TSC22D2: variants seen among roughly 807,000 people sequenced by gnomAD.
TSC22D2 encodes TSC22 domain family member 2, also known as TSC22 domain family protein 2.
In TSC22D2, 5 loss-of-function variants were observed where a neutral mutation model predicts 50.1. That is an observed-to-expected ratio of 0.10 (90% CI 0.05 to 0.21). The LOEUF (loss-of-function observed/expected upper bound fraction) is 0.21, where lower values mean the gene tolerates loss of function less well. TSC22D2 is among the 10% of genes least tolerant of loss of function. The pLI is 1.00. For synonymous variants in TSC22D2, 501 were observed against 450.1 expected (o/e 1.11, Z -1.43); for missense variants, 1,003 against 1,015.5 (o/e 0.99, Z 0.17).
At chr3:150,441,965 C>T (rs1319158776) in intron 1 of TSC22D2, among the ~76,000 whole-genome samples, 9 of 152,142 alleles carry the variant, frequency 5.9e-5, no homozygotes, top group Non-Finnish European at 1.2e-4. Flanking sequence ...GCTGGTTAAT[C>T]ACAAAGTACT....
rs1721278177 is a variant in TSC22D2 at position 150,458,789 on chromosome 3, CCT to C, written c.*160_*161del. The stretch of plus-strand genomic sequence containing the variant: ...AGACAATCATTCTACAAGAGCTTTT[CCT>C]CTCTCTGAGATGTCATGCAGCGCTG... On this transcript the variant is annotated 3_prime_UTR_variant, in exon 3 of 3. Coordinates refer to ENST00000688009, the MANE Select transcript of TSC22D2 (RefSeq NM_001303264.2). 2 of 954,804 alleles carry C rather than the reference CCT, an allele frequency of 2.1e-6. No homozygotes were observed. Among genetic ancestry groups the C allele is most frequent in the Admixed American group, 2.9e-5 (1 of 34,864 alleles). 59.1% of individuals were successfully genotyped at this position (954,804 alleles called of 1,614,324 possible). A position where few individuals can be genotyped will look rare whatever the true frequency, so the allele number is the denominator to read the frequency against.
chr3:150,428,223 C>G (rs932056170), intron 1 of TSC22D2, among the ~76,000 whole-genome samples: 3 of 152,068 alleles, frequency 2.0e-5, no homozygotes, highest in Non-Finnish European at 4.4e-5. Context: ...TCCACCTTTT[C>G]TGCAGTGCTT....
chr3:150,409,341 C>T lies in TSC22D2; in HGVS notation c.-10C>T, dbSNP rs1576536882. On this transcript the variant is annotated 5_prime_UTR_variant, in exon 1 of 3. Transcript: ENST00000688009. The surrounding 1 kb of genome is among the most constrained non-coding windows in gnomAD (Gnocchi z 7.4). ...CCGGCGTGCCTCTCTGCCCTCCAGCCTTCTTCACCATGTCCAAGATGCCGG... is the reference window on the plus strand; with the variant it reads ...CCGGCGTGCCTCTCTGCCCTCCAGCTTTCTTCACCATGTCCAAGATGCCGG... 4 of 1,589,570 alleles carry T rather than the reference C, an allele frequency of 2.5e-6. No individual in the cohort carries two copies. The East Asian group carries it at 9.0e-5, about 36-fold the overall frequency.
chr3:150,424,904 C>T (rs543266594), intron 1 of TSC22D2, among the ~76,000 whole-genome samples: 1 of 152,286 alleles, frequency 6.6e-6, no homozygotes, highest in South Asian at 2.1e-4. Context: ...TTTAACTTTT[C>T]AACTAGCTTA....
chr3:150,414,076 C>G (rs898410722), intron 1 of TSC22D2, among the ~76,000 whole-genome samples: 1 of 151,952 alleles, frequency 6.6e-6, no homozygotes, highest in African/African-American at 2.4e-5. Flanking sequence ...ATTAAAGAAC[C>G]GGGCCTTATA....
At chr3:150,442,486 T>TA (rs1158636323) in intron 1 of TSC22D2, among the ~76,000 whole-genome samples, 1 of 152,224 alleles carries the variant, frequency 6.6e-6, no homozygotes, top group African/African-American at 2.4e-5. Flanking sequence ...ACCTAACTCC[T>TA]AAGTCAGTGT....
chr3:150,431,818 T>C lies in TSC22D2; in HGVS notation c.1958+20510T>C, dbSNP rs1720390535. 3.3e-5 allele frequency among the ~76,000 whole-genome samples: 5 copies of C among 152,292 alleles called. 1 individual carries two copies. The South Asian group carries it at 6.2e-4, about 19-fold the overall frequency. On this transcript the variant is annotated intron_variant, in intron 1 of 2. Transcript: ENST00000688009. ...TGGATATTAATGTGTCCCTTAGAAA[T>C]TGAAGTATATTCATGTACTTCCCTT...
At chr3:150,456,972 G>A in intron 1 of TSC22D2, 104 bp from the exon 2 acceptor site, 1 of 922,970 alleles carries the variant, frequency 1.1e-6, no homozygotes, top group South Asian at 1.5e-5. Context: ...TTAAATTACT[G>A]TATATTTGGT....
intron 1 of TSC22D2, among the ~76,000 whole-genome samples, chr3:150,412,195 TGAG>T (rs1039394475): frequency 2.6e-5 from 4 of 152,142 alleles, no homozygotes; most frequent in Non-Finnish European, 5.9e-5. Context: ...TTTGTGGTTT[TGAG>T]GAGATGTCAC....
intron 1 of TSC22D2, among the ~76,000 whole-genome samples, chr3:150,441,352 TG>T (rs1176639052): frequency 1.3e-5 from 2 of 152,218 alleles, no homozygotes; most frequent in East Asian, 3.8e-4. Flanking sequence ...AATTTTGAAC[TG>T]ATATTTGATA....
chr3:150,458,307 A>G (rs1013761533), intron 2 of TSC22D2, 69 bp from the exon 3 acceptor site: 3 of 1,493,994 alleles, frequency 2.0e-6, no homozygotes, highest in African/African-American at 2.8e-5. Context: ...AGCACCAAGT[A>G]GGCCAGAACC....
At chr3:150,421,937 TG>T (rs1227798742) in intron 1 of TSC22D2, among the ~76,000 whole-genome samples, 1 of 152,212 alleles carries the variant, frequency 6.6e-6, no homozygotes, top group African/African-American at 2.4e-5. Flanking sequence ...TTTAGTGTAG[TG>T]GTTTAAGAGC....
chr3:150,421,089 A>C (rs1462905954), intron 1 of TSC22D2, among the ~76,000 whole-genome samples: 1 of 152,214 alleles, frequency 6.6e-6, no homozygotes, highest in Non-Finnish European at 1.5e-5. Flanking sequence ...GTCTCCAAAA[A>C]ATAAATAAAT....
intron 1 of TSC22D2, among the ~76,000 whole-genome samples, chr3:150,447,018 A>G (rs948905392): frequency 6.6e-6 from 1 of 152,192 alleles, no homozygotes; most frequent in African/African-American, 2.4e-5. Flanking sequence ...CAAAATGAAA[A>G]GATGAGCAAA....
chr3:150,451,518 T>C (rs1445990799), intron 1 of TSC22D2, among the ~76,000 whole-genome samples: 1 of 152,204 alleles, frequency 6.6e-6, no homozygotes, highest in East Asian at 1.9e-4. Context: ...TGGTACTTAG[T>C]TAAAGCACTC....
At chr3:150,414,068 TAAAG>T (rs1232703484) in intron 1 of TSC22D2, among the ~76,000 whole-genome samples, 2 of 152,190 alleles carry the variant, frequency 1.3e-5, no homozygotes, top group African/African-American at 4.8e-5. Context: ...CATTTATAAT[TAAAG>T]AACCGGGCCT....
intron 1 of TSC22D2, among the ~76,000 whole-genome samples, chr3:150,434,853 T>G (rs1424589879): frequency 7.8e-6 from 1 of 128,234 alleles, no homozygotes; most frequent in African/African-American, 2.7e-5. Flanking sequence ...TGCTTATATA[T>G]GTATACATAT....
In TSC22D2 at chr3:150,411,308, G is replaced by C; in HGVS notation, c.1958G>C (p.Ser653Thr). ...ATTCCTGTTGATGGTGATGAAGACA[G>C]GTATGGAAATCTCTATTTTAAATAT... Reference protein sequence around the residue: ...IAIPVDGDEDSASGGGVVAID... With the variant: ...IAIPVDGDEDTASGGGVVAID... The change falls in exon 1 of 3, where the codon AGT becomes ACT. Residue 653 changes from serine to threonine, a missense_variant and splice_region_variant. Ser to Thr is a moderately conservative substitution (Grantham distance 58). Coordinates refer to ENST00000688009, the MANE Select transcript of TSC22D2 (RefSeq NM_001303264.2). The C allele has an allele frequency of 6.3e-7, 1 of 1,593,030 alleles. No homozygotes were observed. The highest frequency in any genetic ancestry group is 8.6e-7 in the Non-Finnish European group (1 of 1,167,890).
intron 1 of TSC22D2, among the ~76,000 whole-genome samples, chr3:150,442,914 A>G (rs968563643): frequency 2.0e-5 from 3 of 152,204 alleles, no homozygotes; most frequent in African/African-American, 2.4e-5. Context: ...TTGCATTCCA[A>G]CCTGGAAGAC....
Sources: allele counts gnomAD v4.1 joint callset (sites outside exome capture counted in the v4.1 genomes callset), GRCh38; gene constraint gnomAD v4.1.1; non-coding constraint Gnocchi (gnomAD v3.1); transcripts MANE v1.5; gene names NCBI Gene and HGNC (gene_info 2026-07-23, HGNC 2026-07-21).